Variants in HS6ST3 observed in about 807,000 individuals in gnomAD.
The protein encoded by HS6ST3 is heparan sulfate 6-O-sulfotransferase 3.
Under a neutral mutation model 36.7 loss-of-function variants are expected in HS6ST3, and 12 were observed. That is an observed-to-expected ratio of 0.33 (90% CI 0.21 to 0.53). The LOEUF (loss-of-function observed/expected upper bound fraction) is 0.53. HS6ST3 is among the 20% of genes least tolerant of loss of function. HS6ST3 has a pLI of 0.95. For missense variants in HS6ST3, 584 were observed against 640.9 expected, an observed-to-expected ratio of 0.91 and a Z score of 0.96; for synonymous variants, 240 against 257.5, an observed-to-expected ratio of 0.93 and a Z score of 0.65.
chr13:96,671,932 A>C (rs1823078923), intron 1 of HS6ST3, among the ~76,000 whole-genome samples: 1 of 152,136 alleles, frequency 6.6e-6, no homozygotes, highest in African/African-American at 2.4e-5. Context: ...ATACCTAAAA[A>C]CAAAATAGTG....
chr13:96,589,361 T>C lies in HS6ST3; in HGVS notation c.708-243129T>C, dbSNP rs143714058. On this transcript the variant is annotated intron_variant, in intron 1 of 1. Coordinates refer to ENST00000376705, the MANE Select transcript of HS6ST3 (RefSeq NM_153456.4). ...TGTTCATAAAAGTCTCTTATGATCC[T>C]TTCTATTTCTGTTGTGTCAGTAATG... 2.2e-4 allele frequency among the ~76,000 whole-genome samples: 33 copies of C among 152,258 alleles called. No homozygotes were observed. In the East Asian group the frequency reaches 6.2e-3, roughly 28 times the overall value.
At chr13:96,742,870 C>A (rs1430809323) in intron 1 of HS6ST3, among the ~76,000 whole-genome samples, 1 of 152,024 alleles carries the variant, frequency 6.6e-6, no homozygotes, top group African/African-American at 2.4e-5. Context: ...ATGTGAATAT[C>A]ATGATGCTAC....
chr13:96,791,103 G>A (rs1186568383), intron 1 of HS6ST3, among the ~76,000 whole-genome samples: 1 of 151,906 alleles, frequency 6.6e-6, no homozygotes, highest in Non-Finnish European at 1.5e-5. Context: ...TTTCTAGGAC[G>A]ACATCCTCAA....
At chr13:96,831,547 A>C (rs117586778) in intron 1 of HS6ST3, among the ~76,000 whole-genome samples, 43 of 152,324 alleles carry the variant, frequency 2.8e-4, no homozygotes, top group Admixed American at 9.1e-4. Flanking sequence ...GCATCCATAA[A>C]GCATGTAGCA....
chr13:96,358,301 G>A (rs2055219970), intron 1 of HS6ST3, among the ~76,000 whole-genome samples: 1 of 144,444 alleles, frequency 6.9e-6, no homozygotes, highest in African/African-American at 2.8e-5. Flanking sequence ...CTCATCACAG[G>A]CTACCTATCT....
intron 1 of HS6ST3, among the ~76,000 whole-genome samples, chr13:96,400,545 T>C (rs1473411348): frequency 6.6e-6 from 1 of 152,146 alleles, no homozygotes; most frequent in African/African-American, 2.4e-5. Context: ...CAGGAACTTA[T>C]CACTGTTGAT....
At chr13:96,686,526 T>C (rs1193850097) in intron 1 of HS6ST3, among the ~76,000 whole-genome samples, 1 of 152,040 alleles carries the variant, frequency 6.6e-6, no homozygotes, top group African/African-American at 2.4e-5. Flanking sequence ...TTTATTGTTG[T>C]TTTTGTTGTT....
intron 1 of HS6ST3, among the ~76,000 whole-genome samples, chr13:96,103,658 G>GT (rs2053828155): frequency 6.6e-6 from 1 of 152,058 alleles, no homozygotes; most frequent in South Asian, 2.1e-4. Context: ...TTATATTGAC[G>GT]TAAGAAGGCT....
At chr13:96,127,693 A>G (rs574188654) in intron 1 of HS6ST3, among the ~76,000 whole-genome samples, 2 of 152,176 alleles carry the variant, frequency 1.3e-5, no homozygotes, top group South Asian at 2.1e-4. Flanking sequence ...TATCCTACCA[A>G]TGCCCTTCAA....
chr13:96,308,930 A>G (rs1465798310), intron 1 of HS6ST3, among the ~76,000 whole-genome samples: 2 of 152,174 alleles, frequency 1.3e-5, no homozygotes, highest in African/African-American at 4.8e-5. Context: ...AGATTAGGAA[A>G]ATTAACCTTT....
intron 1 of HS6ST3, among the ~76,000 whole-genome samples, chr13:96,698,319 G>T (rs577775685): frequency 6.6e-6 from 1 of 152,202 alleles, no homozygotes; most frequent in Admixed American, 6.5e-5. Context: ...CCTTGTGATA[G>T]TTTGCTGAGA....
At chr13:96,345,531 C>G (rs939028517) in intron 1 of HS6ST3, among the ~76,000 whole-genome samples, 1 of 152,282 alleles carries the variant, frequency 6.6e-6, no homozygotes, top group East Asian at 1.9e-4. Context: ...CCACTCATAT[C>G]TACCATTTAC....
At chr13:96,259,714 C>A (rs1373808156) in intron 1 of HS6ST3, among the ~76,000 whole-genome samples, 1 of 152,188 alleles carries the variant, frequency 6.6e-6, no homozygotes, top group Non-Finnish European at 1.5e-5. Flanking sequence ...CATTTAACTT[C>A]AATCATTGAG....
At chr13:96,189,437 C>G (rs2054279068) in intron 1 of HS6ST3, among the ~76,000 whole-genome samples, 1 of 151,932 alleles carries the variant, frequency 6.6e-6, no homozygotes, top group Non-Finnish European at 1.5e-5. Context: ...ATGACATTCT[C>G]TTGGCTGGGA....
chr13:96,416,344 C>T (rs2139465199), intron 1 of HS6ST3, among the ~76,000 whole-genome samples: 1 of 152,274 alleles, frequency 6.6e-6, no homozygotes, highest in African/African-American at 2.4e-5. Context: ...GTGTCTTAAT[C>T]ATTTGCAAAC....
rs762882256 is a variant in HS6ST3, at chr13:96,370,598, TTCA to T, written c.707+279033_707+279035del. Among the ~76,000 whole-genome samples, 17 of 152,334 alleles carry T rather than the reference TTCA, an allele frequency of 1.1e-4. 1 individual carries two copies. The South Asian group carries it at 3.5e-3, about 32-fold the overall frequency. The stretch of plus-strand genomic sequence containing the variant: ...GGTAATCAGTGTTATAGATTTTGTC[TTCA>T]TCACTCCCATTTAAAAAAATCCATT... On this transcript the variant is annotated intron_variant, in intron 1 of 1. Transcript: ENST00000376705.
rs1438224608 is a variant in HS6ST3, at chr13:96,498,710, G to A, written c.708-333780G>A. ...CCTTTGTAATGTCACTGTTCTTTTA[G>A]TTACTTATTCAACTTGTATCCTTTG... On this transcript the variant is annotated intron_variant, in intron 1 of 1. Coordinates refer to ENST00000376705, the MANE Select transcript of HS6ST3 (RefSeq NM_153456.4). 2.0e-5 allele frequency among the ~76,000 whole-genome samples: 3 copies of A among 152,054 alleles called. No individual in the cohort carries two copies. In the East Asian group the frequency reaches 5.8e-4, roughly 29 times the overall value.
At chr13:96,221,336 C>A (rs2054454347) in intron 1 of HS6ST3, among the ~76,000 whole-genome samples, 1 of 152,136 alleles carries the variant, frequency 6.6e-6, no homozygotes, top group Non-Finnish European at 1.5e-5. Flanking sequence ...TGATCCCTAC[C>A]CTTCTGTCAT....
chr13:96,643,085 G>A (rs904667696), intron 1 of HS6ST3, among the ~76,000 whole-genome samples: 68 of 151,998 alleles, frequency 4.5e-4, no homozygotes, highest in Non-Finnish European at 1.9e-4. Context: ...TTTGCTTAGT[G>A]ACTTTTCTGA....
Sources: allele counts gnomAD v4.1 joint callset (sites outside exome capture counted in the v4.1 genomes callset), GRCh38; gene constraint gnomAD v4.1.1; transcripts MANE v1.5; gene names NCBI Gene and HGNC (gene_info 2026-07-23, HGNC 2026-07-21).